Variants in ITGA2 observed in about 807,000 individuals in gnomAD.
ITGA2 encodes the protein integrin alpha-2.
In ITGA2, 101 loss-of-function variants were observed where a neutral mutation model predicts 146.3. That is an observed-to-expected ratio of 0.69 (90% CI 0.59 to 0.81). The LOEUF (loss-of-function observed/expected upper bound fraction) is 0.81, where lower values mean the gene tolerates loss of function less well. ITGA2 is among the 40% of genes least tolerant of loss of function. ITGA2 has a pLI of 0.00. For synonymous variants in ITGA2, 477 were observed against 487.1 expected, an observed-to-expected ratio of 0.98 and a Z score of 0.27; for missense variants, 1,281 against 1,402.7, an observed-to-expected ratio of 0.91 and a Z score of 1.39.
chr5:53,043,127 T>C (rs1743884868), intron 3 of ITGA2, among the ~76,000 whole-genome samples: 1 of 152,042 alleles, frequency 6.6e-6, no homozygotes, highest in Non-Finnish European at 1.5e-5. Flanking sequence ...ACTGAGTAAA[T>C]GTCTTCAGCT....
intron 14 of ITGA2, 83 bp downstream of exon 14, chr5:53,065,198 A>T (rs1165399421): frequency 2.3e-5 from 30 of 1,324,488 alleles, no homozygotes; most frequent in Non-Finnish European, 3.2e-5. Flanking sequence ...AAACCATGCA[A>T]TCCGTCCGCC....
intron 16 of ITGA2, among the ~76,000 whole-genome samples, chr5:53,068,197 C>A (rs980666670): frequency 2.0e-5 from 3 of 151,854 alleles, no homozygotes; most frequent in Non-Finnish European, 4.4e-5. Flanking sequence ...AAGATGAGAA[C>A]ACAAAGCAAA....
At chr5:53,087,109 G>A in intron 28 of ITGA2, 68 bp downstream of exon 28, 2 of 1,049,952 alleles carry the variant, frequency 1.9e-6, no homozygotes, top group Non-Finnish European at 3.0e-6. Context: ...TAAAAGCCTG[G>A]GATAGTCACT....
At chr5:53,042,427 C>A (rs966904203) in intron 3 of ITGA2, among the ~76,000 whole-genome samples, 3 of 152,132 alleles carry the variant, frequency 2.0e-5, no homozygotes, top group Non-Finnish European at 4.4e-5. Flanking sequence ...AATGTGCTAT[C>A]TCCTGGACCA....
chr5:53,074,987 G>C, intron 21 of ITGA2, 74 bp from the exon 22 acceptor site: 2 of 1,005,638 alleles, frequency 2.0e-6, no homozygotes, highest in Non-Finnish European at 3.1e-6. Flanking sequence ...ACTTTTATGA[G>C]AAACATTTTT....
At chr5:53,016,436 T>A (rs1320367829) in intron 1 of ITGA2, among the ~76,000 whole-genome samples, 2 of 152,226 alleles carry the variant, frequency 1.3e-5, no homozygotes, top group Non-Finnish European at 2.9e-5. Flanking sequence ...GCTTGTAGTA[T>A]TTCTGCTTAT....
At chr5:53,087,165 G>T (rs1746197999) in intron 28 of ITGA2, 124 bp downstream of exon 28, 1 of 743,594 alleles carries the variant, frequency 1.3e-6, no homozygotes, top group East Asian at 2.7e-5. Flanking sequence ...AAACTTTAAA[G>T]ATCTGATGTT....
chr5:53,070,390 C>A, intron 17 of ITGA2, 130 bp downstream of exon 17: 1 of 801,088 alleles, frequency 1.2e-6, no homozygotes, highest in Non-Finnish European at 2.1e-6. Context: ...TTATGTAATT[C>A]CATAAATAAG....
chr5:53,034,384 G>A lies in ITGA2; in HGVS notation c.185+7516G>A, dbSNP rs140073426. On this transcript the variant is annotated intron_variant, in intron 2 of 29. Transcript: ENST00000296585. ...AAGATCACGTCACTGCACTCCAGCCGGGGCAACAGTGAGACTCCAACTCAA... is the reference window on the plus strand; with the variant it reads ...AAGATCACGTCACTGCACTCCAGCCAGGGCAACAGTGAGACTCCAACTCAA... Among the ~76,000 whole-genome samples the A allele has an allele frequency of 9.9e-4, 148 of 149,188 alleles. 1 individual carries two copies. The highest frequency in any genetic ancestry group is 3.4e-3 in the African/African-American group (138 of 40,470).
chr5:53,064,753 C>T (rs911859929), intron 13 of ITGA2, among the ~76,000 whole-genome samples, 159 bp from the exon 14 acceptor site: 5 of 151,944 alleles, frequency 3.3e-5, no homozygotes, highest in Non-Finnish European at 5.9e-5. Context: ...CACTATTGCT[C>T]AAGCAGGTCT....
intron 1 of ITGA2, among the ~76,000 whole-genome samples, chr5:52,995,569 C>CA (rs769883542): frequency 1.3e-5 from 2 of 152,116 alleles, no homozygotes; most frequent in Non-Finnish European, 2.9e-5. Flanking sequence ...GATTTTGTGC[C>CA]ATTCACTGAG....
At position 53,034,090 on chromosome 5, in the gene ITGA2, A is replaced by T. The variant is rs554441872; in HGVS notation, c.185+7222A>T. ...CTTTTATTTTAAATTCATAACATAA[A>T]TATTCCTTTTCTTCTTCCATTCAAT... On this transcript the variant is annotated intron_variant, in intron 2 of 29. Transcript: ENST00000296585. 7.9e-5 allele frequency among the ~76,000 whole-genome samples: 12 copies of T among 152,148 alleles called. No individual in the cohort carries two copies. The South Asian group carries it at 2.5e-3, about 32-fold the overall frequency.
intron 3 of ITGA2, among the ~76,000 whole-genome samples, chr5:53,042,847 C>T (rs3212444): frequency 0.093 from 12,975 of 138,880 alleles, 590 homozygotes; most frequent in Middle Eastern, 0.16. Flanking sequence ...GCAGCAGCAG[C>T]CTAAAAAAAC....
chr5:53,011,101 C>G (rs1316501027), intron 1 of ITGA2, among the ~76,000 whole-genome samples: 4 of 152,110 alleles, frequency 2.6e-5, no homozygotes, highest in Non-Finnish European at 5.9e-5. Context: ...TTTTGGACTT[C>G]TGACCTTCAG....
chr5:53,090,711 A>G lies in ITGA2; in HGVS notation c.*112A>G. 1 of 761,968 alleles carries G rather than the reference A, an allele frequency of 1.3e-6. No homozygotes were observed. The highest frequency in any genetic ancestry group is 1.4e-5 in the South Asian group (1 of 69,690). The allele number at this position is 761,968 out of a possible 1,614,324, so 47.2% of individuals were successfully genotyped here. On this transcript the variant is annotated 3_prime_UTR_variant, in exon 30 of 30. Transcript: ENST00000296585. ...ATTTTTTTTATCATGTCGTAGGTAA[A>G]CTAACCTGGTATTTTAAGAGAAAAC...
At chr5:53,012,822 G>T (rs763946414) in intron 1 of ITGA2, among the ~76,000 whole-genome samples, 1 of 151,986 alleles carries the variant, frequency 6.6e-6, no homozygotes, top group Non-Finnish European at 1.5e-5. Flanking sequence ...TCTCACTGTG[G>T]CTTTGACTTG....
intron 1 of ITGA2, among the ~76,000 whole-genome samples, chr5:53,024,194 G>A (rs2111803120): frequency 6.6e-6 from 1 of 152,268 alleles, no homozygotes; most frequent in African/African-American, 2.4e-5. Flanking sequence ...TGGTTTTGCT[G>A]TTCCACAGGA....
intron 2 of ITGA2, among the ~76,000 whole-genome samples, chr5:53,029,947 T>C (rs1743144251): frequency 6.6e-6 from 1 of 152,198 alleles, no homozygotes; most frequent in African/African-American, 2.4e-5. Flanking sequence ...GCTGAGGACA[T>C]CTGGCACCGA....
At chr5:53,012,764 AT>A (rs1224307815) in intron 1 of ITGA2, among the ~76,000 whole-genome samples, 8 of 151,980 alleles carry the variant, frequency 5.3e-5, no homozygotes, top group Admixed American at 3.3e-4. Flanking sequence ...CCAGCATGTT[AT>A]TTTTTTACTT....
Sources: gnomAD v4.1 joint callset for allele counts (sites outside exome capture counted in the v4.1 genomes callset) on GRCh38, gnomAD v4.1.1 for gene constraint, MANE v1.5 for transcripts, NCBI Gene and HGNC (gene_info 2026-07-23, HGNC 2026-07-21) for gene names.